MSRA: variants seen among roughly 807,000 people sequenced by gnomAD.
The protein encoded by MSRA is methionine sulfoxide reductase A.
A neutral mutation model predicts 31.3 loss-of-function variants in MSRA; 54 were observed. The observed-to-expected ratio is 1.73, with a 90% confidence interval of 1.39 to 2.17. The LOEUF is 2.17. MSRA is among the 30% of genes most tolerant of loss of function. MSRA has a pLI of 0.00. For missense variants in MSRA, 507 were observed against 300.9 expected, an observed-to-expected ratio of 1.69 and a Z score of -5.07; for synonymous variants, 169 against 116.5, an observed-to-expected ratio of 1.45 and a Z score of -2.90.
intron 5 of MSRA, among the ~76,000 whole-genome samples, chr8:10,366,973 G>C (rs896795065): frequency 6.6e-6 from 1 of 152,032 alleles, no homozygotes; most frequent in East Asian, 1.9e-4. Flanking sequence ...CCCCTTATCC[G>C]CCGTTTCGCT....
At chr8:10,140,332 C>T (rs1442591568) in intron 1 of MSRA, among the ~76,000 whole-genome samples, 4 of 152,168 alleles carry the variant, frequency 2.6e-5, no homozygotes, top group African/African-American at 9.7e-5. Context: ...ATAGAGTAGC[C>T]TTCCTGCTTC....
intron 5 of MSRA, among the ~76,000 whole-genome samples, chr8:10,338,015 C>A (rs1803166090): frequency 6.6e-6 from 1 of 151,882 alleles, no homozygotes. Context: ...AGAAATGAAC[C>A]TAAGGGGTGA....
At chr8:10,401,161 G>A (rs1163048504) in intron 5 of MSRA, among the ~76,000 whole-genome samples, 1 of 151,284 alleles carries the variant, frequency 6.6e-6, no homozygotes, top group Admixed American at 6.6e-5. Flanking sequence ...TATCTGATAA[G>A]GGATTAATGT....
At chr8:10,359,856 G>A (rs1439905153) in intron 5 of MSRA, among the ~76,000 whole-genome samples, 5 of 152,340 alleles carry the variant, frequency 3.3e-5, no homozygotes, top group East Asian at 1.9e-4. Context: ...AGTAGGTCAT[G>A]TGGACTTTCT....
intron 3 of MSRA, among the ~76,000 whole-genome samples, chr8:10,270,928 G>A (rs1028553956): frequency 1.3e-5 from 2 of 152,158 alleles, no homozygotes; most frequent in East Asian, 1.9e-4. Flanking sequence ...GCTTTGCCAC[G>A]GCAGAAATGC....
chr8:10,403,551 G>A (rs1445101894), intron 5 of MSRA, among the ~76,000 whole-genome samples: 1 of 152,186 alleles, frequency 6.6e-6, no homozygotes, highest in African/African-American at 2.4e-5. Context: ...AAGGTGGTCC[G>A]CGGCACTGAA....
intron 1 of MSRA, among the ~76,000 whole-genome samples, chr8:10,104,767 C>G (rs1023862483): frequency 2.0e-5 from 3 of 152,322 alleles, no homozygotes; most frequent in East Asian, 1.9e-4. Context: ...GTCCAACCCC[C>G]CTTCACATCA....
At chr8:10,387,586 T>A (rs544392677) in intron 5 of MSRA, among the ~76,000 whole-genome samples, 53 of 152,260 alleles carry the variant, frequency 3.5e-4, no homozygotes, top group African/African-American at 1.3e-3. Context: ...TCAGAGTTCT[T>A]CTTAGCGCTG....
At chr8:10,156,643 A>C (rs77653241) in intron 1 of MSRA, among the ~76,000 whole-genome samples, 3,904 of 152,128 alleles carry the variant, frequency 0.026, 161 homozygotes, top group African/African-American at 0.088. Flanking sequence ...CTAGGATGGC[A>C]TGTGGGAAAT....
At chr8:10,083,063 C>A (rs977206402) in intron 1 of MSRA, among the ~76,000 whole-genome samples, 2 of 152,082 alleles carry the variant, frequency 1.3e-5, no homozygotes, top group African/African-American at 4.8e-5. Context: ...TTTGGAAGCA[C>A]GTAACCATAC....
At chr8:10,293,145 A>G (rs1460086211) in intron 3 of MSRA, among the ~76,000 whole-genome samples, 1 of 152,138 alleles carries the variant, frequency 6.6e-6, no homozygotes, top group African/African-American at 2.4e-5. Flanking sequence ...ACATGAGTCT[A>G]TGGATCTAGA....
At chr8:10,418,738 C>T (rs999457786) in intron 5 of MSRA, among the ~76,000 whole-genome samples, 1 of 126,468 alleles carries the variant, frequency 7.9e-6, no homozygotes, top group Non-Finnish European at 1.6e-5. Context: ...AGTGGTACAA[C>T]AAAGTGAAGG....
intron 5 of MSRA, among the ~76,000 whole-genome samples, chr8:10,380,370 C>A (rs987364138): frequency 5.3e-5 from 8 of 152,306 alleles, no homozygotes; most frequent in African/African-American, 1.7e-4. Flanking sequence ...AGAGGGCCTT[C>A]CCTGCACTGT....
intron 5 of MSRA, among the ~76,000 whole-genome samples, chr8:10,329,518 C>A (rs960781653): frequency 1.3e-5 from 2 of 152,204 alleles, no homozygotes; most frequent in African/African-American, 4.8e-5. Flanking sequence ...TCTCAACCCC[C>A]CTTATTTAGT....
chr8:10,362,048 C>G (rs564319127), intron 5 of MSRA, among the ~76,000 whole-genome samples: 15 of 152,210 alleles, frequency 9.9e-5, no homozygotes, highest in African/African-American at 3.6e-4. Flanking sequence ...ACGAAGAATC[C>G]TGGAGTGAGA....
At chr8:10,237,809 A>C (rs906282743) in intron 2 of MSRA, among the ~76,000 whole-genome samples, 2 of 152,184 alleles carry the variant, frequency 1.3e-5, no homozygotes, top group Non-Finnish European at 1.5e-5. Context: ...TCCAGATTCT[A>C]ATCATGACCC....
chr8:10,121,576 G>GAATTGCCATTTTTCATT (rs1033072262), intron 1 of MSRA, among the ~76,000 whole-genome samples: 3 of 152,178 alleles, frequency 2.0e-5, no homozygotes, highest in Non-Finnish European at 4.4e-5. Context: ...CTTTTGGCCA[G>GAATTGCCATTTTTCATT]AATTGCCATT....
At position 10,373,301 on chromosome 8, in the gene MSRA, T is replaced by G. The variant is rs1805579628; in HGVS notation, c.543+53312T>G. ...AATAGTCAACCAAGGACTGAAAGAT[T>G]AGGTAAATTGTCCACAGTAGCTCAG... On this transcript the variant is annotated intron_variant, in intron 5 of 5. Coordinates refer to ENST00000317173, the MANE Select transcript of MSRA (RefSeq NM_012331.5). Among the ~76,000 whole-genome samples, 4 of 152,252 alleles carry G rather than the reference T, an allele frequency of 2.6e-5. No homozygotes were observed. The South Asian group carries it at 8.3e-4, about 31-fold the overall frequency.
intron 5 of MSRA, among the ~76,000 whole-genome samples, chr8:10,396,165 C>A (rs1807085280): frequency 6.6e-6 from 1 of 152,154 alleles, no homozygotes; most frequent in African/African-American, 2.4e-5. Flanking sequence ...ACTTTCCGTG[C>A]TGCTGCTGTT....
Sources: allele counts gnomAD v4.1 joint callset (sites outside exome capture counted in the v4.1 genomes callset), GRCh38; gene constraint gnomAD v4.1.1; transcripts MANE v1.5; gene names NCBI Gene and HGNC (gene_info 2026-07-23, HGNC 2026-07-21).